The following VMP1 variants were observed in gnomAD, a reference collection of about 807,000 sequenced individuals.
VMP1 encodes ectopic P-granules autophagy protein 3 homolog.
A neutral mutation model predicts 56.0 loss-of-function variants in VMP1; 11 were observed. That is an observed-to-expected ratio of 0.20 (90% CI 0.12 to 0.32). The LOEUF is 0.32. Among genes scored for constraint, VMP1 ranks in the 10% least tolerant of loss-of-function variants. VMP1 has a pLI of 1.00. For missense variants in VMP1, 296 were observed against 490.3 expected (o/e 0.60, Z 3.74); for synonymous variants, 149 against 165.0 (o/e 0.90, Z 0.74).
At chr17:59,755,692 G>C (rs181507711) in intron 5 of VMP1, among the ~76,000 whole-genome samples, 2 of 151,666 alleles carry the variant, frequency 1.3e-5, no homozygotes, top group Non-Finnish European at 2.9e-5. Context: ...TGCATGCCCC[G>C]GTTACTGCTT....
At chr17:59,737,836 C>G (rs920265924) in intron 4 of VMP1, among the ~76,000 whole-genome samples, 17 of 151,886 alleles carry the variant, frequency 1.1e-4, no homozygotes, top group Admixed American at 8.5e-4. Flanking sequence ...GTGGTGTGAT[C>G]TGAGCTCACT....
At chr17:59,770,978 T>C (rs567338431) in intron 6 of VMP1, among the ~76,000 whole-genome samples, 210 of 152,152 alleles carry the variant, frequency 1.4e-3, no homozygotes, top group African/African-American at 4.8e-3. Flanking sequence ...TTCCTTTGAG[T>C]TGATAAATTG....
chr17:59,797,424 G>C (rs748644569), intron 7 of VMP1, among the ~76,000 whole-genome samples: 2 of 151,292 alleles, frequency 1.3e-5, no homozygotes, highest in Non-Finnish European at 2.9e-5. Context: ...ACCAACAATA[G>C]AATAAATTGT....
chr17:59,817,532 A>G (rs1568204243), intron 9 of VMP1, among the ~76,000 whole-genome samples, 180 bp from the exon 10 acceptor site: 1 of 151,658 alleles, frequency 6.6e-6, no homozygotes, highest in Non-Finnish European at 1.5e-5. Context: ...TTGTATTTTT[A>G]GTAGAGACGG....
At chr17:59,765,906 C>T (rs1210202391) in intron 6 of VMP1, among the ~76,000 whole-genome samples, 1 of 151,078 alleles carries the variant, frequency 6.6e-6, no homozygotes, top group Non-Finnish European at 1.5e-5. Context: ...TAGAATTTAT[C>T]TAAGAGTTAT....
intron 7 of VMP1, among the ~76,000 whole-genome samples, chr17:59,779,354 A>G (rs374343290): frequency 1.3e-5 from 2 of 152,202 alleles, no homozygotes; most frequent in South Asian, 4.1e-4. Context: ...CTGATATGGG[A>G]GAGAGACTTG....
chr17:59,709,265 C>T (rs1026716644), intron 1 of VMP1, among the ~76,000 whole-genome samples: 1 of 152,308 alleles, frequency 6.6e-6, no homozygotes, highest in Admixed American at 6.5e-5. Flanking sequence ...ATCTTATCTT[C>T]TTTATGTTCA....
intron 5 of VMP1, among the ~76,000 whole-genome samples, chr17:59,757,859 CTTTTTTTTT>C (rs66605258): frequency 7.7e-5 from 7 of 91,294 alleles, no homozygotes; most frequent in East Asian, 3.5e-4. Flanking sequence ...TTATTTGCCA[CTTTTTTTTT>C]TTTTTTTTTT....
intron 10 of VMP1, among the ~76,000 whole-genome samples, chr17:59,831,701 G>A (rs1296087385): frequency 1.3e-5 from 2 of 149,348 alleles, no homozygotes; most frequent in African/African-American, 4.9e-5. Context: ...GTAAGCATGG[G>A]AAAATATTGT....
At chr17:59,783,714 G>C (rs187636940) in intron 7 of VMP1, among the ~76,000 whole-genome samples, 68 of 152,140 alleles carry the variant, frequency 4.5e-4, no homozygotes, top group Non-Finnish European at 1.8e-4. Flanking sequence ...TTTAAGGCCT[G>C]TTGATTCTAT....
At chr17:59,777,565 A>G (rs2036664205) in intron 7 of VMP1, among the ~76,000 whole-genome samples, 1 of 151,836 alleles carries the variant, frequency 6.6e-6, no homozygotes, top group Admixed American at 6.6e-5. Context: ...TAATCCCAGC[A>G]CTTTGGGAGG....
intron 1 of VMP1, among the ~76,000 whole-genome samples, chr17:59,727,721 CA>C (rs1199543814): frequency 6.6e-6 from 1 of 152,148 alleles, no homozygotes; most frequent in Non-Finnish European, 1.5e-5. Flanking sequence ...ATAGTTTAGG[CA>C]TTTTGTACGT....
chr17:59,823,576 A>C (rs1185055766), intron 10 of VMP1, among the ~76,000 whole-genome samples: 4 of 151,778 alleles, frequency 2.6e-5, no homozygotes, highest in Admixed American at 6.6e-5. Context: ...GGTGAAACCC[A>C]GTCTCTACTA....
chr17:59,731,981 A>G (rs2034842255), intron 2 of VMP1, among the ~76,000 whole-genome samples: 1 of 152,154 alleles, frequency 6.6e-6, no homozygotes, highest in African/African-American at 2.4e-5. Context: ...ATTTCAGTGT[A>G]TTTGACTCCT....
chr17:59,837,991 C>T (rs1195952531), intron 10 of VMP1: 2 of 229,554 alleles, frequency 8.7e-6, no homozygotes, highest in Admixed American at 1.1e-4. Context: ...ACTCTGAGGA[C>T]TAACTCTTTT....
chr17:59,809,697 G>T (rs1030227872), intron 8 of VMP1, among the ~76,000 whole-genome samples: 3 of 150,244 alleles, frequency 2.0e-5, no homozygotes, highest in African/African-American at 7.4e-5. Context: ...TAGTAGAGAC[G>T]GGGTTTCACC....
chr17:59,810,128 T>C (rs1202933253), intron 8 of VMP1, among the ~76,000 whole-genome samples: 2 of 152,104 alleles, frequency 1.3e-5, no homozygotes, highest in African/African-American at 4.8e-5. Context: ...CTACTCTGAT[T>C]TACGTATCTT....
intron 7 of VMP1, among the ~76,000 whole-genome samples, chr17:59,784,538 ATC>A (rs1426229806): frequency 8.5e-5 from 13 of 152,050 alleles, no homozygotes; most frequent in African/African-American, 2.7e-4. Flanking sequence ...GACTTTTCTT[ATC>A]TCTCCAGGAG....
intron 4 of VMP1, 149 bp downstream of exon 4, chr17:59,737,692 A>C: frequency 1.6e-6 from 1 of 610,138 alleles, no homozygotes; most frequent in East Asian, 3.1e-5. Flanking sequence ...TTTTAAAGGC[A>C]TACACTAAAA....
Sources: gnomAD v4.1 joint callset for allele counts (sites outside exome capture counted in the v4.1 genomes callset) on GRCh38, gnomAD v4.1.1 for gene constraint, MANE v1.5 for transcripts, NCBI Gene and HGNC (gene_info 2026-07-23, HGNC 2026-07-21) for gene names.